LINGO2: variants seen among roughly 807,000 people sequenced by gnomAD.
LINGO2 encodes leucine-rich repeat and immunoglobulin-like domain-containing nogo receptor-interacting protein 2.
Under a neutral mutation model 30.6 loss-of-function variants are expected in LINGO2, and 14 were observed. That is an observed-to-expected ratio of 0.46 (90% CI 0.30 to 0.72). The LOEUF is 0.72. LINGO2 is among the 30% of genes least tolerant of loss of function. The pLI, the probability that LINGO2 is intolerant of heterozygous loss-of-function variation, is 0.07. For missense variants in LINGO2, 729 were observed against 751.7 expected (o/e 0.97, Z 0.35); for synonymous variants, 317 against 288.5 (o/e 1.10, Z -1.00).
chr9:28,253,933 G>C (rs920810329), intron 4 of LINGO2, among the ~76,000 whole-genome samples: 1 of 152,110 alleles, frequency 6.6e-6, no homozygotes, highest in Admixed American at 6.6e-5. Context: ...CTCTTCCTGG[G>C]TGGAACCTGG....
At chr9:28,028,568 G>A (rs775390990) in intron 4 of LINGO2, among the ~76,000 whole-genome samples, 3 of 151,988 alleles carry the variant, frequency 2.0e-5, no homozygotes, top group African/African-American at 7.3e-5. Context: ...ATGTATCCAG[G>A]GGGTTGTTTC....
chr9:28,764,131 T>TA, the LINGO2 span, among the ~76,000 whole-genome samples: 1 of 146,658 alleles, frequency 6.8e-6, no homozygotes, highest in African/African-American at 2.7e-5. Context: ...TGAACTCTTT[T>TA]TAAAAAAAAA....
chr9:28,089,998 C>T (rs1277261824), intron 4 of LINGO2, among the ~76,000 whole-genome samples: 1 of 152,142 alleles, frequency 6.6e-6, no homozygotes, highest in African/African-American at 2.4e-5. Flanking sequence ...TATACACCTT[C>T]CAAGACTAAA....
chr9:28,904,124 A>G, the LINGO2 span, among the ~76,000 whole-genome samples: 1 of 151,768 alleles, frequency 6.6e-6, no homozygotes, highest in East Asian at 1.9e-4. Context: ...AATCATCTCA[A>G]TCAATACAGA....
the LINGO2 span, among the ~76,000 whole-genome samples, chr9:28,807,432 T>C: frequency 6.6e-6 from 1 of 152,186 alleles, no homozygotes; most frequent in East Asian, 1.9e-4. Flanking sequence ...TATGATTTCA[T>C]TTTCCCTTTA....
chr9:29,004,622 T>C, the LINGO2 span, among the ~76,000 whole-genome samples: 1 of 152,064 alleles, frequency 6.6e-6, no homozygotes, highest in South Asian at 2.1e-4. Flanking sequence ...ACACATAGAA[T>C]GCAAACACTT....
rs985264610 is a variant in LINGO2, at chr9:28,172,308, G to A, written c.-87+122900C>T. 6.0e-4 allele frequency among the ~76,000 whole-genome samples: 88 copies of A among 147,892 alleles called. 1 individual carries two copies. The highest frequency in any genetic ancestry group is 1.1e-3 in the Non-Finnish European group (76 of 66,624). ...TGGGAGGCTGAGGCAGGAGAATGGC[G>A]TGAACCCGGGAGGCGGAGCTTGCAG... On this transcript the variant is annotated intron_variant, in intron 4 of 5. Coordinates refer to ENST00000379992, the Ensembl canonical transcript of LINGO2.
intron 1 of LINGO2, among the ~76,000 whole-genome samples, chr9:28,664,328 G>C (rs188740610): frequency 6.6e-6 from 1 of 152,126 alleles, no homozygotes; most frequent in East Asian, 1.9e-4. Flanking sequence ...CAGTCTTTGA[G>C]ACCTAAATGC....
chr9:28,989,216 A>C, the LINGO2 span, among the ~76,000 whole-genome samples: 4 of 152,190 alleles, frequency 2.6e-5, no homozygotes, highest in African/African-American at 9.7e-5. Flanking sequence ...CTACCAACAA[A>C]CAAAAGAACA....
chr9:29,065,005 G>A, the LINGO2 span, among the ~76,000 whole-genome samples: 1 of 152,072 alleles, frequency 6.6e-6, no homozygotes, highest in Non-Finnish European at 1.5e-5. Context: ...CACTTCAAGA[G>A]AAAGGACCAC....
intron 5 of LINGO2, among the ~76,000 whole-genome samples, chr9:27,997,656 C>A (rs1469901916): frequency 6.6e-6 from 1 of 152,220 alleles, no homozygotes; most frequent in Non-Finnish European, 1.5e-5. Context: ...AGTTTGCACT[C>A]TGTATCAGGC....
At chr9:28,124,338 T>C (rs1324889012) in intron 4 of LINGO2, among the ~76,000 whole-genome samples, 60 of 152,226 alleles carry the variant, frequency 3.9e-4, no homozygotes, top group Admixed American at 3.9e-3. Flanking sequence ...GATAAGACTT[T>C]GGGAGGACTA....
chr9:28,472,756 T>G (rs1387408370), intron 2 of LINGO2, among the ~76,000 whole-genome samples: 1 of 152,164 alleles, frequency 6.6e-6, no homozygotes, highest in Non-Finnish European at 1.5e-5. Context: ...ATTATTTTCA[T>G]AGTTTATCTT....
chr9:29,190,164 TTTC>T, the LINGO2 span, among the ~76,000 whole-genome samples: 80 of 152,318 alleles, frequency 5.3e-4, no homozygotes, highest in African/African-American at 1.7e-3. Flanking sequence ...TTTAAAAATG[TTTC>T]TTCTTTATTA....
intron 5 of LINGO2, among the ~76,000 whole-genome samples, chr9:27,985,949 A>G (rs1191015323): frequency 6.6e-6 from 1 of 151,844 alleles, no homozygotes; most frequent in Non-Finnish European, 1.5e-5. Context: ...TCTCCAACCC[A>G]AGACACTTCT....
At chr9:28,769,497 TATATATATATATA>T in the LINGO2 span, among the ~76,000 whole-genome samples, 1 of 10,630 alleles carries the variant, frequency 9.4e-5, no homozygotes, top group African/African-American at 5.5e-4. Flanking sequence ...TATATATATA[TATATATATATATA>T]TATATATATT....
At position 28,147,464 on chromosome 9, in the gene LINGO2, C is replaced by T. The variant is rs906633682; in HGVS notation, c.-86-135059G>A. 1.6e-4 allele frequency among the ~76,000 whole-genome samples: 25 copies of T among 152,332 alleles called. No homozygotes were observed. Among genetic ancestry groups the T allele is most frequent in the Non-Finnish European group, 2.9e-4 (20 of 68,022 alleles). ...GCGAGGCTGGTGGCCCTTGAGGCCA[C>T]GGCAGCCATGGAGAAGGCGGGCCTG... is the stretch of plus-strand genomic sequence containing the variant. On this transcript the variant is annotated intron_variant, in intron 4 of 5. Coordinates refer to ENST00000379992, the Ensembl canonical transcript of LINGO2. The surrounding 1 kb of genome is among the most constrained non-coding windows in gnomAD (Gnocchi z 4.7).
At chr9:29,192,739 CT>C in the LINGO2 span, among the ~76,000 whole-genome samples, 2 of 152,138 alleles carry the variant, frequency 1.3e-5, no homozygotes, top group Non-Finnish European at 2.9e-5. Flanking sequence ...CACAGGCCTC[CT>C]TTTATAAAAA....
At chr9:28,948,180 A>G in the LINGO2 span, among the ~76,000 whole-genome samples, 1 of 152,118 alleles carries the variant, frequency 6.6e-6, no homozygotes, top group Non-Finnish European at 1.5e-5. Context: ...ACTAAATATC[A>G]GCAATAGCAT....
Sources: allele counts gnomAD v4.1 joint callset (sites outside exome capture counted in the v4.1 genomes callset), GRCh38; gene constraint gnomAD v4.1.1; non-coding constraint Gnocchi (gnomAD v3.1); transcripts MANE v1.5; gene names NCBI Gene and HGNC (gene_info 2026-07-23, HGNC 2026-07-21).